Variants in ATR observed in about 807,000 individuals in gnomAD.
The protein encoded by ATR is serine/threonine-protein kinase ATR.
A neutral mutation model predicts 305.3 loss-of-function variants in ATR; 142 were observed. That is an observed-to-expected ratio of 0.47 (90% CI 0.41 to 0.53). ATR has a LOEUF of 0.53. Among genes scored for constraint, ATR ranks in the 20% least tolerant of loss-of-function variants. The probability of loss-of-function intolerance (pLI) is 0.00; values close to 1 mark genes in which losing one functional copy is unlikely to be tolerated. For missense variants in ATR, 2,135 were observed against 3,133.1 expected (o/e 0.68, Z 7.60); for synonymous variants, 1,050 against 1,068.1 (o/e 0.98, Z 0.33).
chr3:142,449,848 G>C, intron 46 of ATR: 1 of 515,202 alleles, frequency 1.9e-6, no homozygotes, highest in East Asian at 3.4e-5. Flanking sequence ...GAAATACCAG[G>C]GAATTATTTA....
chr3:142,496,802 G>A lies in ATR; in HGVS notation c.5738+211C>T, dbSNP rs545154543. Among the ~76,000 whole-genome samples the A allele has an allele frequency of 2.6e-5, 4 of 152,206 alleles. No individual in the cohort carries two copies. The South Asian group carries it at 8.3e-4, about 32-fold the overall frequency. ...AGTAAAAAACATATCCCCCAGATAT[G>A]TTTTTAACATCTTAAAAAAGAGAAA... is the stretch of plus-strand genomic sequence containing the variant. On this transcript the variant is annotated intron_variant, in intron 33 of 46. Transcript: ENST00000350721.
At position 142,488,223 on chromosome 3, in the gene ATR, C is replaced by T. The variant is rs148473101; in HGVS notation, c.6079-2941G>A. Among the ~76,000 whole-genome samples the T allele has an allele frequency of 3.7e-4, 56 of 152,306 alleles. 1 individual carries two copies. Among genetic ancestry groups the T allele is most frequent in the African/African-American group, 1.1e-3 (47 of 41,572 alleles). On this transcript the variant is annotated intron_variant, in intron 35 of 46. Coordinates refer to ENST00000350721, the MANE Select transcript of ATR (RefSeq NM_001184.4). ...TTAAGTTCTGGTCCAATGGTCCTTT[C>T]CTACAAATTTAGCTCCCTGTACAGG...
Position 142,457,630 on chromosome 3 carries a change from C to T in ATR, c.7629G>A (p.Met2543Ile). Residue 2543 changes from methionine to isoleucine, a missense_variant, in exon 45 of 47, where the codon ATG (methionine) becomes ATA (isoleucine). By Grantham distance (10) the Met-to-Ile change is conservative. Around this residue, in one of 9 missense-constraint regions of ATR, gnomAD observed 462 missense variants for 887.6 expected, o/e 0.52. Coordinates refer to ENST00000350721, the MANE Select transcript of ATR (RefSeq NM_001184.4). ...RRACEVTMRL[M>I]RDQREPLMSV... is the part of the protein sequence containing the mutation. ...TCATTAAAGGCTCTCGCTGATCACGCATCAGCCTCATTGTAACTTCACATG... is the reference window on the plus strand; with the variant it reads ...TCATTAAAGGCTCTCGCTGATCACGTATCAGCCTCATTGTAACTTCACATG... The T allele has an allele frequency of 6.2e-7, 1 of 1,614,036 alleles. No individual in the cohort carries two copies. Among genetic ancestry groups the T allele is most frequent in the Non-Finnish European group, 8.5e-7 (1 of 1,179,962 alleles).
rs151162347 is a variant in ATR at position 142,457,718 on chromosome 3, C to T, written c.7541G>A (p.Arg2514His). The change falls in exon 45 of 47, where the codon CGC becomes CAC. Residue 2514 changes from arginine to histidine, a missense_variant. By Grantham distance (29) the Arg-to-His change is conservative. Transcript: ENST00000350721. Reference protein sequence around the residue: ...TFEVPEIVPFRLTHNMVNGMG... With the variant: ...TFEVPEIVPFHLTHNMVNGMG... ...TCCATTAACCATATTATGAGTCAGG[C>T]GAAATGGCACAATTTCTGGAACTTC... 60 of 1,613,800 alleles carry T rather than the reference C, an allele frequency of 3.7e-5. No homozygotes were observed. The highest frequency in any genetic ancestry group is 4.7e-5 in the Non-Finnish European group (55 of 1,179,930).
intron 1 of ATR, among the ~76,000 whole-genome samples, chr3:142,568,978 G>C (rs2035170952): frequency 6.6e-6 from 1 of 152,116 alleles, no homozygotes; most frequent in Non-Finnish European, 1.5e-5. Context: ...GCAGGTTGAT[G>C]GCAGCAGGAA....
intron 15 of ATR, among the ~76,000 whole-genome samples, chr3:142,548,431 G>A (rs918637042): frequency 2.0e-5 from 3 of 152,160 alleles, no homozygotes; most frequent in African/African-American, 7.2e-5. Context: ...CACTTTGGGA[G>A]GCCAAGGCAG....
intron 13 of ATR, among the ~76,000 whole-genome samples, chr3:142,552,307 T>C (rs564266954): frequency 4.5e-5 from 1 of 22,064 alleles, no homozygotes; most frequent in East Asian, 6.7e-4. Context: ...CAAAGGAATA[T>C]AAAAAGGAAT....
At chr3:142,469,051 T>C (rs1305307545) in intron 38 of ATR, among the ~76,000 whole-genome samples, 6 of 152,136 alleles carry the variant, frequency 3.9e-5, no homozygotes, top group East Asian at 3.9e-4. Flanking sequence ...AAAACATAGG[T>C]AACCATTTTG....
intron 43 of ATR, 52 bp downstream of exon 43, chr3:142,459,175 A>G: frequency 1.2e-6 from 2 of 1,612,136 alleles, no homozygotes; most frequent in Non-Finnish European, 8.5e-7. Context: ...AATCTAAAAT[A>G]TTAAAAATAA....
In ATR at chr3:142,487,531, T is replaced by C. The variant is rs143472958; in HGVS notation, c.6079-2249A>G. 2.8e-3 allele frequency among the ~76,000 whole-genome samples: 422 copies of C among 152,364 alleles called. 1 individual carries two copies. The highest frequency in any genetic ancestry group is 9.8e-3 in the African/African-American group (407 of 41,586). On this transcript the variant is annotated intron_variant, in intron 35 of 46. Transcript: ENST00000350721. ...TTGCATATAAATTTGGTTTACTATA[T>C]AGTATTCCATTATAAGAATATGCTA... is the stretch of plus-strand genomic sequence containing the variant.
intron 42 of ATR, 24 bp downstream of exon 42, chr3:142,461,910 CTGTATA>C (rs747108108): frequency 2.4e-5 from 38 of 1,600,370 alleles, no homozygotes; most frequent in African/African-American, 1.6e-4. Context: ...AGTACCCACA[CTGTATA>C]TGTATAAGAA....
chr3:142,469,621 A>C (rs539959464), intron 37 of ATR, 52 bp from the exon 38 acceptor site: 6 of 1,471,992 alleles, frequency 4.1e-6, no homozygotes, highest in Non-Finnish European at 5.7e-6. Flanking sequence ...AAAAATCAGT[A>C]TATCAGTTCA....
chr3:142,559,899 C>T (rs1018146905), intron 6 of ATR, among the ~76,000 whole-genome samples: 3 of 152,158 alleles, frequency 2.0e-5, no homozygotes, highest in African/African-American at 7.2e-5. Context: ...CTGTCTTCAA[C>T]AGCCAAACAC....
chr3:142,529,807 C>A (rs1200198208), intron 21 of ATR, among the ~76,000 whole-genome samples: 1 of 151,762 alleles, frequency 6.6e-6, no homozygotes. Flanking sequence ...ACTTTTTTTT[C>A]TCCTTGCAAG....
intron 27 of ATR, among the ~76,000 whole-genome samples, chr3:142,509,490 T>C (rs543956466): frequency 6.6e-6 from 1 of 151,520 alleles, no homozygotes; most frequent in East Asian, 1.9e-4. Flanking sequence ...AAACAGATTA[T>C]ATTTAAAATA....
chr3:142,477,893 G>T (rs1302921229), intron 36 of ATR, among the ~76,000 whole-genome samples: 2 of 152,174 alleles, frequency 1.3e-5, no homozygotes, highest in Admixed American at 6.5e-5. Context: ...GGTGTTTATA[G>T]TATTCTCTGA....
intron 27 of ATR, among the ~76,000 whole-genome samples, chr3:142,509,182 A>G (rs1455564054): frequency 1.3e-5 from 2 of 152,136 alleles, no homozygotes; most frequent in Non-Finnish European, 2.9e-5. Context: ...ACTTTTTAAA[A>G]AAAATTATTT....
chr3:142,514,807 CAAAAAAAAAAA>C (rs56770183), intron 25 of ATR, among the ~76,000 whole-genome samples: 17 of 99,864 alleles, frequency 1.7e-4, no homozygotes, highest in Admixed American at 6.2e-4. Flanking sequence ...GACTCCGTCA[CAAAAAAAAAAA>C]AAAAAAAAAA....
rs533484105 is a variant in ATR, at chr3:142,512,264, T to C, written c.4848A>G (p.Ser1616=). The C allele has an allele frequency of 6.2e-7, 1 of 1,605,738 alleles. No homozygotes were observed. The highest frequency in any genetic ancestry group is 1.7e-5 in the Admixed American group (1 of 59,878). The change falls in exon 27 of 47, where the codon TCA becomes TCG. Residue 1616 remains serine (S), a synonymous_variant. Coordinates refer to ENST00000350721, the MANE Select transcript of ATR (RefSeq NM_001184.4). ...GAAACAGAAGTGATAACTCACCCATTGAGTCTACCTTATTTCTGTTTGATT... is the reference window on the plus strand; with the variant it reads ...GAAACAGAAGTGATAACTCACCCATCGAGTCTACCTTATTTCTGTTTGATT... ...HSKSNRNKVD[S]MVSTVDYEDY...
Sources: allele counts gnomAD v4.1 joint callset (sites outside exome capture counted in the v4.1 genomes callset), GRCh38; gene constraint gnomAD v4.1.1; regional missense constraint gnomAD v4.1.1; transcripts MANE v1.5; gene names NCBI Gene and HGNC (gene_info 2026-07-23, HGNC 2026-07-21).